Variants in CSMD1 observed in about 807,000 individuals in gnomAD.
CSMD1 encodes the protein CUB and sushi domain-containing protein 1.
Under a neutral mutation model 417.5 loss-of-function variants are expected in CSMD1, and 213 were observed. The observed-to-expected ratio is 0.51, with a 90% confidence interval of 0.46 to 0.57. The LOEUF (loss-of-function observed/expected upper bound fraction) is 0.57, where lower values mean the gene tolerates loss of function less well. Ranked by LOEUF, CSMD1 falls within the 20% of genes least tolerant of loss-of-function variation. The pLI is 0.00. For missense variants in CSMD1, 6,923 were observed against 4,529.7 expected, an observed-to-expected ratio of 1.53 and a Z score of -15.17; for synonymous variants, 2,862 against 1,736.8, an observed-to-expected ratio of 1.65 and a Z score of -16.11.
At chr8:4,987,413 C>A (rs771105278) in intron 1 of CSMD1, among the ~76,000 whole-genome samples, 7 of 152,120 alleles carry the variant, frequency 4.6e-5, no homozygotes, top group African/African-American at 7.2e-5. Flanking sequence ...ACGCTCAGTG[C>A]CTTGCAAAGT....
intron 2 of CSMD1, among the ~76,000 whole-genome samples, chr8:4,543,885 G>A (rs1204056227): frequency 6.6e-6 from 1 of 152,092 alleles, no homozygotes; most frequent in East Asian, 1.9e-4. Flanking sequence ...AGGGACATAA[G>A]ATGTGGAGCG....
intron 23 of CSMD1, among the ~76,000 whole-genome samples, chr8:3,316,469 G>A (rs929455016): frequency 3.9e-5 from 6 of 152,244 alleles, no homozygotes; most frequent in South Asian, 2.1e-4. Context: ...TATGGTTTGC[G>A]TGAAGGTTGA....
intron 2 of CSMD1, among the ~76,000 whole-genome samples, chr8:4,434,902 C>T (rs572014293): frequency 2.0e-5 from 3 of 152,134 alleles, no homozygotes; most frequent in South Asian, 4.1e-4. Context: ...TGTATTTTGT[C>T]AGCACATGAC....
intron 12 of CSMD1, among the ~76,000 whole-genome samples, chr8:3,418,997 G>T (rs565122649): frequency 1.3e-5 from 2 of 152,240 alleles, no homozygotes; most frequent in East Asian, 3.9e-4. Context: ...AAATCATCTT[G>T]CTATAGTGTT....
chr8:4,030,221 G>A (rs934307508), intron 4 of CSMD1, among the ~76,000 whole-genome samples: 32 of 152,154 alleles, frequency 2.1e-4, no homozygotes, highest in Non-Finnish European at 4.0e-4. Context: ...GCCCCAGTAG[G>A]GACTCTGTGG....
intron 8 of CSMD1, among the ~76,000 whole-genome samples, chr8:3,609,845 G>C (rs554100783): frequency 1.3e-4 from 13 of 101,924 alleles, no homozygotes; most frequent in Admixed American, 1.2e-3. Flanking sequence ...TTGAGACAGA[G>C]TCTTGCTCTG....
At chr8:3,893,064 A>G (rs1400230779) in intron 5 of CSMD1, among the ~76,000 whole-genome samples, 1 of 151,992 alleles carries the variant, frequency 6.6e-6, no homozygotes, top group Non-Finnish European at 1.5e-5. Context: ...TTGACCAAGT[A>G]TGCTGGAGAA....
intron 29 of CSMD1, among the ~76,000 whole-genome samples, chr8:3,216,733 T>G (rs1797904103): frequency 6.6e-6 from 1 of 152,258 alleles, no homozygotes; most frequent in African/African-American, 2.4e-5. Flanking sequence ...GTTGTCCGTG[T>G]CCGTTCCACT....
intron 25 of CSMD1, among the ~76,000 whole-genome samples, chr8:3,289,855 C>T (rs1455483529): frequency 2.7e-5 from 4 of 147,410 alleles, no homozygotes; most frequent in Admixed American, 6.7e-5. Flanking sequence ...TCAGTTTTGG[C>T]TTTTGTTGCC....
chr8:4,173,948 A>C (rs546437031), intron 3 of CSMD1, among the ~76,000 whole-genome samples: 2 of 152,088 alleles, frequency 1.3e-5, no homozygotes, highest in Non-Finnish European at 2.9e-5. Flanking sequence ...CTCAGCCTTG[A>C]AACAAAAACA....
chr8:4,957,567 T>C (rs761763302), intron 1 of CSMD1, among the ~76,000 whole-genome samples: 3 of 152,172 alleles, frequency 2.0e-5, no homozygotes, highest in African/African-American at 2.4e-5. Context: ...AGTGTCTTTG[T>C]AGACAATTAA....
At chr8:3,772,127 T>C (rs1798604540) in intron 5 of CSMD1, among the ~76,000 whole-genome samples, 1 of 146,752 alleles carries the variant, frequency 6.8e-6, no homozygotes, top group African/African-American at 2.5e-5. Context: ...AAACTGTAAA[T>C]GAACACCTCC....
At chr8:4,276,497 C>A (rs112564592) in intron 3 of CSMD1, among the ~76,000 whole-genome samples, 1 of 152,042 alleles carries the variant, frequency 6.6e-6, no homozygotes, top group South Asian at 2.1e-4. Flanking sequence ...ATACAGATGA[C>A]GGGTTAGTGG....
chr8:4,523,082 C>G (rs1384475105), intron 2 of CSMD1, among the ~76,000 whole-genome samples: 2 of 152,156 alleles, frequency 1.3e-5, no homozygotes, highest in South Asian at 2.1e-4. Flanking sequence ...TATAGAAACT[C>G]CAACCTTTTG....
intron 7 of CSMD1, among the ~76,000 whole-genome samples, chr8:3,618,356 T>A (rs947723445): frequency 2.6e-5 from 4 of 152,180 alleles, no homozygotes; most frequent in Non-Finnish European, 5.9e-5. Flanking sequence ...ACATAATCCT[T>A]CATTAAATAC....
intron 3 of CSMD1, among the ~76,000 whole-genome samples, chr8:4,311,889 A>G (rs1196845800): frequency 1.3e-5 from 2 of 152,034 alleles, no homozygotes; most frequent in East Asian, 1.9e-4. Flanking sequence ...TGATCAAATA[A>G]TACATGCAAC....
At chr8:3,291,830 G>A (rs901769784) in intron 25 of CSMD1, among the ~76,000 whole-genome samples, 2 of 151,958 alleles carry the variant, frequency 1.3e-5, no homozygotes, top group African/African-American at 4.8e-5. Flanking sequence ...ATTTCCTTCA[G>A]TTCTGCTCCG....
intron 3 of CSMD1, among the ~76,000 whole-genome samples, chr8:4,035,327 G>A (rs896352643): frequency 6.6e-6 from 1 of 152,148 alleles, no homozygotes; most frequent in African/African-American, 2.4e-5. Context: ...GTGAACAACT[G>A]TCACTGGTTT....
intron 5 of CSMD1, among the ~76,000 whole-genome samples, chr8:3,796,423 TATAGATATATATATCTATCGTGTATAG>T (rs1404839658): frequency 2.3e-4 from 26 of 112,762 alleles, no homozygotes; most frequent in Admixed American, 5.8e-4. Flanking sequence ...ATCTATCATG[TATAGATATATATATCTATCGTGTATAG>T]ATATAGATAT....
Sources: gnomAD v4.1 joint callset for allele counts (sites outside exome capture counted in the v4.1 genomes callset) on GRCh38, gnomAD v4.1.1 for gene constraint, MANE v1.5 for transcripts, NCBI Gene and HGNC (gene_info 2026-07-23, HGNC 2026-07-21) for gene names.